Variants in VPS13B observed in about 807,000 individuals in gnomAD.
The protein encoded by VPS13B is intermembrane lipid transfer protein VPS13B.
VPS13B carries 285 observed loss-of-function variants against 426.4 expected under a neutral mutation model. The observed-to-expected ratio is 0.67, with a 90% CI of 0.61 to 0.74. The LOEUF is 0.74. Among genes scored for constraint, VPS13B ranks in the 30% least tolerant of loss-of-function variants. VPS13B has a pLI of 0.00. For synonymous variants in VPS13B, 1,676 were observed against 1,676.4 expected, an observed-to-expected ratio of 1.00 and a Z score of 0.01; for missense variants, 4,537 against 4,782.6, an observed-to-expected ratio of 0.95 and a Z score of 1.51.
intron 21 of VPS13B, among the ~76,000 whole-genome samples, chr8:99,397,396 G>A (rs1053786210): frequency 5.3e-5 from 8 of 152,148 alleles, no homozygotes; most frequent in African/African-American, 1.9e-4. Flanking sequence ...GCCCGCCTCG[G>A]CGTTCCAAAG....
In VPS13B at chr8:99,717,264, G is replaced by A. The variant is rs1451709469; in HGVS notation, c.6548G>A (p.Cys2183Tyr). The change falls in exon 37 of 62, where the codon TGT (cysteine) becomes TAT (tyrosine). Residue 2183 changes from cysteine to tyrosine, a missense_variant. Around this residue, in one of 2 missense-constraint regions of VPS13B, gnomAD observed 4,311 missense variants for 4,474.3 expected, o/e 0.96. Coordinates refer to ENST00000357162, the MANE Select transcript of VPS13B (RefSeq NM_152564.5). The part of the protein sequence containing the change: ...KERSRILIGP[C>Y]CATANLEAKW... ...AGAAGCCGCATTCTGATAGGACCATGTTGTGCTACTGCCAATCTGGAAGCT... is the reference window on the plus strand; with the variant it reads ...AGAAGCCGCATTCTGATAGGACCATATTGTGCTACTGCCAATCTGGAAGCT... The A allele has an allele frequency of 1.9e-6, 3 of 1,613,958 alleles. No homozygotes were observed. The highest frequency in any genetic ancestry group is 1.3e-5 in the African/African-American group (1 of 75,008).
intron 21 of VPS13B, among the ~76,000 whole-genome samples, chr8:99,410,123 G>A (rs2133355404): frequency 6.6e-6 from 1 of 152,190 alleles, no homozygotes; most frequent in South Asian, 2.1e-4. Context: ...TATCTCTAAA[G>A]CTATTGAAAA....
intron 17 of VPS13B, among the ~76,000 whole-genome samples, chr8:99,270,129 A>ATTTTTTTTTTTTTTT (rs1370378172): frequency 1.5e-3 from 26 of 16,798 alleles, no homozygotes; most frequent in East Asian, 4.8e-3. Flanking sequence ...AGATATAAGA[A>ATTTTTTTTTTTTTTT]TCTTTTTTTT....
intron 23 of VPS13B, among the ~76,000 whole-genome samples, chr8:99,456,179 A>AT (rs1198553916): frequency 2.0e-5 from 3 of 151,818 alleles, no homozygotes; most frequent in African/African-American, 7.3e-5. Context: ...GAATTTATTT[A>AT]TTTTTTTGAG....
intron 31 of VPS13B, among the ~76,000 whole-genome samples, chr8:99,573,499 G>A (rs1434524872): frequency 1.3e-5 from 2 of 152,166 alleles, no homozygotes; most frequent in East Asian, 3.8e-4. Context: ...AAGGGATTGA[G>A]TTTCAGCTTT....
chr8:99,016,842 G>C (rs1355098899), intron 2 of VPS13B, among the ~76,000 whole-genome samples: 1 of 151,818 alleles, frequency 6.6e-6, no homozygotes, highest in Admixed American at 6.6e-5. Flanking sequence ...CTCCTGTCTC[G>C]GCCTCCCAAA....
chr8:99,322,169 A>G (rs1008274967), intron 19 of VPS13B, among the ~76,000 whole-genome samples: 1 of 152,144 alleles, frequency 6.6e-6, no homozygotes, highest in African/African-American at 2.4e-5. Flanking sequence ...TTCTTTTCCT[A>G]GAGCCATTTG....
At chr8:99,285,038 A>G (rs536897495) in intron 19 of VPS13B, among the ~76,000 whole-genome samples, 3 of 152,320 alleles carry the variant, frequency 2.0e-5, no homozygotes, top group South Asian at 2.1e-4. Flanking sequence ...TGAAAATGTA[A>G]GGTTTTTCTG....
intron 17 of VPS13B, among the ~76,000 whole-genome samples, chr8:99,250,086 T>G (rs747237952): frequency 6.6e-6 from 1 of 152,236 alleles, no homozygotes; most frequent in Non-Finnish European, 1.5e-5. Flanking sequence ...GATATCTCAT[T>G]GTGATTATAA....
At chr8:99,732,999 A>G (rs1383855349) in intron 39 of VPS13B, among the ~76,000 whole-genome samples, 1 of 152,186 alleles carries the variant, frequency 6.6e-6, no homozygotes, top group African/African-American at 2.4e-5. Context: ...TCACATTTAA[A>G]AGGGGGAGGG....
At chr8:99,868,137 TTAGA>T (rs1336664368) in intron 58 of VPS13B, 148 bp from the exon 59 acceptor site, 1 of 882,508 alleles carries the variant, frequency 1.1e-6, no homozygotes, top group Non-Finnish European at 1.8e-6. Flanking sequence ...CTTGGTGTAC[TTAGA>T]TAACTGGTAA....
Position 99,776,872 on chromosome 8 carries a change from T to C in VPS13B, c.7345T>C (p.Trp2449Arg), listed in dbSNP as rs1053258649. ...CAGAGTTGACTCCTGCTTTACCCCA[T>C]GGTTTGTCCCATCCCTTTGCGTTTC... ...CTRVDSCFTP[W>R]FVPSLCVSFQ... The change falls in exon 41 of 62, where the codon TGG becomes CGG. Residue 2449 changes from tryptophan (W) to arginine (R), a missense_variant. This residue lies in a region of VPS13B where 4,311 missense variants were observed against 4,474.3 expected (regional missense o/e 0.96). Transcript: ENST00000357162. 2 of 1,613,996 alleles carry C rather than the reference T, an allele frequency of 1.2e-6. No individual in the cohort carries two copies. Among genetic ancestry groups the C allele is most frequent in the Non-Finnish European group, 1.7e-6 (2 of 1,179,980 alleles).
At chr8:99,314,908 G>T (rs1821225382) in intron 19 of VPS13B, among the ~76,000 whole-genome samples, 1 of 152,028 alleles carries the variant, frequency 6.6e-6, no homozygotes, top group African/African-American at 2.4e-5. Context: ...TACTGGTTTT[G>T]ACTTGAAGTC....
chr8:99,545,114 C>T (rs748083514), intron 30 of VPS13B, among the ~76,000 whole-genome samples: 6 of 151,918 alleles, frequency 3.9e-5, no homozygotes, highest in Non-Finnish European at 8.8e-5. Context: ...GCTTTTTAAA[C>T]TCTGCCATGT....
At chr8:99,857,591 A>G (rs1588791811) in intron 56 of VPS13B, among the ~76,000 whole-genome samples, 1 of 152,058 alleles carries the variant, frequency 6.6e-6, no homozygotes, top group Admixed American at 6.6e-5. Context: ...TGGGTTGGAA[A>G]CCCAGCCCAC....
At chr8:99,593,088 C>G (rs1826777653) in intron 33 of VPS13B, among the ~76,000 whole-genome samples, 1 of 152,078 alleles carries the variant, frequency 6.6e-6, no homozygotes, top group African/African-American at 2.4e-5. Context: ...TAAGGAACTT[C>G]TGCACAGCAA....
At chr8:99,215,743 G>C (rs1393829696) in intron 17 of VPS13B, among the ~76,000 whole-genome samples, 2 of 152,118 alleles carry the variant, frequency 1.3e-5, no homozygotes, top group African/African-American at 2.4e-5. Context: ...AACAACCTCT[G>C]CCTTGCAAGT....
rs141748452 is a variant in VPS13B at position 99,116,492 on chromosome 8, G to C, written c.937+618G>C. ...TCTGTCACCCAGGCTGGAGTGCAGTGGCATGATCATGGGTCACTGCAGCCG... is the reference window on the plus strand; with the variant it reads ...TCTGTCACCCAGGCTGGAGTGCAGTCGCATGATCATGGGTCACTGCAGCCG... On this transcript the variant is annotated intron_variant, in intron 7 of 61. Transcript: ENST00000357162. Among the ~76,000 whole-genome samples the C allele has an allele frequency of 6.2e-3, 948 of 152,242 alleles. 7 individuals are homozygous for C. Among genetic ancestry groups the C allele is most frequent in the African/African-American group, 0.021 (889 of 41,534 alleles).
At chr8:99,311,335 C>T (rs1443763939) in intron 19 of VPS13B, among the ~76,000 whole-genome samples, 1 of 152,196 alleles carries the variant, frequency 6.6e-6, no homozygotes, top group Admixed American at 6.5e-5. Flanking sequence ...CTACACACTG[C>T]TTCAGATGTG....
Sources: allele counts gnomAD v4.1 joint callset (sites outside exome capture counted in the v4.1 genomes callset), GRCh38; gene constraint gnomAD v4.1.1; regional missense constraint gnomAD v4.1.1; transcripts MANE v1.5; gene names NCBI Gene and HGNC (gene_info 2026-07-23, HGNC 2026-07-21).